The following RBFOX1 variants were observed in gnomAD, a reference collection of about 807,000 sequenced individuals.
RBFOX1 encodes RNA binding fox-1 homolog 1, also known as RNA binding protein fox-1 homolog 1.
A neutral mutation model predicts 57.7 loss-of-function variants in RBFOX1; 8 were observed. That is an observed-to-expected ratio of 0.14 (90% confidence interval 0.08 to 0.25). The LOEUF (loss-of-function observed/expected upper bound fraction) is 0.25, where lower values mean the gene tolerates loss of function less well. RBFOX1 is among the 10% of genes least tolerant of loss of function. RBFOX1 has a pLI of 1.00. For missense variants in RBFOX1, 611 were observed against 548.5 expected (o/e 1.11, Z -1.14); for synonymous variants, 326 against 222.4 (o/e 1.47, Z -4.15).
chr16:5,813,296 C>A (rs1444809171), intron 3 of RBFOX1, among the ~76,000 whole-genome samples: 3 of 152,206 alleles, frequency 2.0e-5, no homozygotes, highest in African/African-American at 7.2e-5. Context: ...ACATACAATT[C>A]AGTGGTGTTA....
At chr16:6,518,772 C>CTGTCT (rs2096436842) in intron 2 of RBFOX1, among the ~76,000 whole-genome samples, 2 of 144,358 alleles carry the variant, frequency 1.4e-5, no homozygotes, top group African/African-American at 5.2e-5. Context: ...TCTATCTATC[C>CTGTCT]ATCTGTCTGT....
chr16:7,054,700 A>T (rs1015205540), intron 4 of RBFOX1, among the ~76,000 whole-genome samples: 61 of 152,306 alleles, frequency 4.0e-4, no homozygotes, highest in African/African-American at 1.4e-3. Context: ...CACATCGTTG[A>T]AGGGTAACTG....
rs949172056 is a variant in RBFOX1, at chr16:7,319,634, C to T, written c.28-198513C>T. ...CTCAGAAGAGATTTCAGCATCGAGG[C>T]GAGATTTAGAATGTGGGCACCTGAG... On this transcript the variant is annotated intron_variant, in intron 4 of 15. Transcript: ENST00000550418. Among the ~76,000 whole-genome samples the T allele has an allele frequency of 3.3e-5, 5 of 152,110 alleles. No individual in the cohort carries two copies. The South Asian group carries it at 8.3e-4, about 25-fold the overall frequency.
At chr16:7,660,467 CTTATATTT>C (rs2067443968) in intron 12 of RBFOX1, among the ~76,000 whole-genome samples, 1 of 152,176 alleles carries the variant, frequency 6.6e-6, no homozygotes, top group Non-Finnish European at 1.5e-5. Context: ...CCCTGCATAT[CTTATATTT>C]TAAGTGCAGC....
At position 6,855,754 on chromosome 16, in the gene RBFOX1, C is replaced by G. The variant is rs114280967; in HGVS notation, c.-15-196303C>G. On this transcript the variant is annotated intron_variant, in intron 3 of 15. Coordinates refer to ENST00000550418, the MANE Select transcript of RBFOX1 (RefSeq NM_018723.4). ...TATTGGATTCATTTAATTGCGCAGC[C>G]CTTGGAAGTTTTATCCTCTACCTTT... is the stretch of plus-strand genomic sequence containing the variant. Among the ~76,000 whole-genome samples the G allele has an allele frequency of 2.0e-4, 30 of 151,860 alleles. 1 individual carries two copies. The highest frequency in any genetic ancestry group is 1.2e-3 in the Admixed American group (19 of 15,258).
intron 4 of RBFOX1, among the ~76,000 whole-genome samples, chr16:7,338,442 C>T (rs2096833732): frequency 6.6e-6 from 1 of 152,192 alleles, no homozygotes. Flanking sequence ...GTCACTCAGA[C>T]TGGAGTGCAG....
chr16:7,402,324 G>C (rs1380006578), intron 4 of RBFOX1, among the ~76,000 whole-genome samples: 3 of 152,198 alleles, frequency 2.0e-5, no homozygotes, highest in East Asian at 3.9e-4. Context: ...GAAGTGAAAA[G>C]TAGTAAGTAT....
intron 3 of RBFOX1, among the ~76,000 whole-genome samples, chr16:5,717,201 C>G (rs1596932985): frequency 6.6e-6 from 1 of 152,194 alleles, no homozygotes; most frequent in South Asian, 2.1e-4. Flanking sequence ...TTTATAATCT[C>G]TTAATTTCTT....
intron 10 of RBFOX1, 132 bp from the exon 11 acceptor site, chr16:7,630,471 G>T: frequency 2.6e-6 from 4 of 1,517,496 alleles, no homozygotes; most frequent in Non-Finnish European, 3.5e-6. Flanking sequence ...GCTTTGTTGG[G>T]TACCCTTGTC....
chr16:6,307,909 C>A (rs2079730577), intron 1 of RBFOX1, among the ~76,000 whole-genome samples: 2 of 144,464 alleles, frequency 1.4e-5, no homozygotes, highest in Admixed American at 1.4e-4. Context: ...GGATTATTTA[C>A]ATATTTTTAT....
rs532595703 is a variant in RBFOX1, at chr16:6,209,733, G to A, written c.-126-107262G>A. On this transcript the variant is annotated intron_variant, in intron 1 of 15. Transcript: ENST00000550418. ...GGCAAGCCATTGTCACTGGATGATT[G>A]AATTATTCCTTGTCTGGAAGCAGGT... Among the ~76,000 whole-genome samples, 25 of 152,308 alleles carry A rather than the reference G, an allele frequency of 1.6e-4. No individual in the cohort carries two copies. In the South Asian group the frequency reaches 4.6e-3, roughly 28 times the overall value.
chr16:5,485,368 A>AAT (rs1567150376), intron 2 of RBFOX1, among the ~76,000 whole-genome samples: 1 of 148,644 alleles, frequency 6.7e-6, no homozygotes, highest in African/African-American at 2.5e-5. Context: ...AAAAAAAAAA[A>AAT]GTGAATAAGT....
chr16:6,322,064 T>C (rs1474795978), intron 2 of RBFOX1, among the ~76,000 whole-genome samples: 1 of 152,186 alleles, frequency 6.6e-6, no homozygotes, highest in Admixed American at 6.5e-5. Context: ...GTTACTAACA[T>C]TGTCTTTGTT....
chr16:5,910,016 A>G (rs1324129448), intron 4 of RBFOX1, among the ~76,000 whole-genome samples: 2 of 152,076 alleles, frequency 1.3e-5, no homozygotes, highest in Non-Finnish European at 2.9e-5. Context: ...TTGTGCCACT[A>G]TACTCCAGCC....
At chr16:6,724,449 C>G (rs1187655051) in intron 3 of RBFOX1, among the ~76,000 whole-genome samples, 2 of 151,982 alleles carry the variant, frequency 1.3e-5, no homozygotes, top group African/African-American at 2.4e-5. Flanking sequence ...CTCAGGTGAT[C>G]CACCCACCTC....
intron 2 of RBFOX1, among the ~76,000 whole-genome samples, chr16:5,496,584 C>G (rs889355149): frequency 1.3e-5 from 2 of 152,172 alleles, no homozygotes; most frequent in African/African-American, 4.8e-5. Flanking sequence ...TTGCTTTTCT[C>G]TCTCTCTTAG....
At chr16:7,465,080 A>T (rs2060262071) in intron 4 of RBFOX1, among the ~76,000 whole-genome samples, 1 of 151,776 alleles carries the variant, frequency 6.6e-6, no homozygotes, top group South Asian at 2.1e-4. Flanking sequence ...GCTGTCTCTT[A>T]CCCGGTGTCT....
chr16:5,346,779 A>G (rs1005875201), intron 1 of RBFOX1, among the ~76,000 whole-genome samples: 2 of 152,172 alleles, frequency 1.3e-5, no homozygotes, highest in Non-Finnish European at 2.9e-5. Context: ...GTCTCAGCCC[A>G]GTCCCAGCTC....
intron 1 of RBFOX1, among the ~76,000 whole-genome samples, chr16:5,400,858 T>C (rs2066695559): frequency 6.6e-6 from 1 of 152,220 alleles, no homozygotes; most frequent in Non-Finnish European, 1.5e-5. Context: ...TTTCATGTGT[T>C]TATTTGCCAT....
Sources: gnomAD v4.1 joint callset for allele counts (sites outside exome capture counted in the v4.1 genomes callset) on GRCh38, gnomAD v4.1.1 for gene constraint, MANE v1.5 for transcripts, NCBI Gene and HGNC (gene_info 2026-07-23, HGNC 2026-07-21) for gene names.